The following NALF1 variants were observed in gnomAD, a reference collection of about 807,000 sequenced individuals.
NALF1 encodes the protein NALCN channel auxiliary factor 1, also known as family with sequence similarity 155 member A.
Under a neutral mutation model 48.4 loss-of-function variants are expected in NALF1, and 3 were observed. That is an observed-to-expected ratio of 0.06 (90% CI 0.03 to 0.16). The LOEUF is 0.16. Ranked by LOEUF, NALF1 falls within the 10% of genes least tolerant of loss-of-function variation. NALF1 has a pLI of 1.00. For missense variants in NALF1, 526 were observed against 571.5 expected (o/e 0.92, Z 0.81); for synonymous variants, 262 against 245.7 (o/e 1.07, Z -0.62).
At chr13:107,633,229 T>G (rs190144885) in intron 1 of NALF1, among the ~76,000 whole-genome samples, 44 of 152,232 alleles carry the variant, frequency 2.9e-4, no homozygotes, top group South Asian at 4.1e-4. Context: ...AAGCTCTTCA[T>G]GTATATGAAA....
At chr13:107,534,228 A>T (rs1413499320) in intron 1 of NALF1, among the ~76,000 whole-genome samples, 4 of 152,090 alleles carry the variant, frequency 2.6e-5, no homozygotes, top group African/African-American at 4.8e-5. Flanking sequence ...TGACTCTGGA[A>T]AGTATGATCT....
intron 1 of NALF1, among the ~76,000 whole-genome samples, chr13:107,807,801 G>GT (rs1878848340): frequency 6.6e-6 from 1 of 152,128 alleles, no homozygotes; most frequent in Non-Finnish European, 1.5e-5. Flanking sequence ...AAACGCAAAT[G>GT]TTTTTGCAGT....
chr13:107,654,000 A>C (rs947362), intron 1 of NALF1, among the ~76,000 whole-genome samples: 44,510 of 151,888 alleles, frequency 0.29, 6,883 homozygotes, highest in African/African-American at 0.36. Context: ...TAATAAATCA[A>C]AACCCAAATC....
chr13:107,746,017 G>A (rs1876771019), intron 1 of NALF1, among the ~76,000 whole-genome samples: 1 of 152,100 alleles, frequency 6.6e-6, no homozygotes, highest in African/African-American at 2.4e-5. Flanking sequence ...ACTAACTATG[G>A]AGACTTCCTC....
At chr13:107,279,703 T>A (rs1005646829) in intron 1 of NALF1, among the ~76,000 whole-genome samples, 1 of 152,212 alleles carries the variant, frequency 6.6e-6, no homozygotes, top group Non-Finnish European at 1.5e-5. Context: ...TGCTTCCTAG[T>A]CTTAAACACA....
chr13:107,833,516 T>C (rs1300448242), intron 1 of NALF1, among the ~76,000 whole-genome samples: 1 of 152,218 alleles, frequency 6.6e-6, no homozygotes, highest in Non-Finnish European at 1.5e-5. Context: ...CTCCCTATCA[T>C]GAAGTACCAA....
At chr13:107,791,595 G>C (rs938100575) in intron 1 of NALF1, among the ~76,000 whole-genome samples, 1 of 152,122 alleles carries the variant, frequency 6.6e-6, no homozygotes, top group African/African-American at 2.4e-5. Context: ...TTTGCAGTAA[G>C]TCATAAAAAG....
chr13:107,396,809 T>C (rs1005933080), intron 1 of NALF1, among the ~76,000 whole-genome samples: 2 of 152,190 alleles, frequency 1.3e-5, no homozygotes, highest in Non-Finnish European at 2.9e-5. Flanking sequence ...AACTCTCACA[T>C]CAGGAGCTCT....
rs1453072401 is a variant in NALF1 at position 107,450,486 on chromosome 13, A to G, written c.916-239731T>C. Among the ~76,000 whole-genome samples, 12 of 152,098 alleles carry G rather than the reference A, an allele frequency of 7.9e-5. 1 individual carries two copies. The highest frequency in any genetic ancestry group is 7.2e-4 in the Admixed American group (11 of 15,264). Reference sequence around the variant, plus strand: ...TGTTTTTGCAGTGGGGTTCAAGAAAACCAACTGCAGGAGGATGAAGCGCAG... The same window carrying G: ...TGTTTTTGCAGTGGGGTTCAAGAAAGCCAACTGCAGGAGGATGAAGCGCAG... On this transcript the variant is annotated intron_variant, in intron 1 of 2. Transcript: ENST00000375915.
intron 1 of NALF1, among the ~76,000 whole-genome samples, chr13:107,455,560 G>A (rs144908186): frequency 1.3e-5 from 2 of 152,130 alleles, no homozygotes; most frequent in Non-Finnish European, 2.9e-5. Context: ...AGAGTTCATA[G>A]TTTACATTAT....
intron 1 of NALF1, among the ~76,000 whole-genome samples, chr13:107,668,586 G>T (rs1880916283): frequency 6.6e-6 from 1 of 151,998 alleles, no homozygotes; most frequent in Non-Finnish European, 1.5e-5. Flanking sequence ...TATTCATGAT[G>T]AATAATTATA....
At chr13:107,859,455 C>T (rs1880512659) in intron 1 of NALF1, among the ~76,000 whole-genome samples, 1 of 152,138 alleles carries the variant, frequency 6.6e-6, no homozygotes, top group South Asian at 2.1e-4. Flanking sequence ...GGAAAATCAA[C>T]TACCATATTT....
chr13:107,200,053 C>T (rs1027612031), intron 2 of NALF1, among the ~76,000 whole-genome samples: 3 of 152,158 alleles, frequency 2.0e-5, no homozygotes, highest in African/African-American at 7.2e-5. Flanking sequence ...TTTTGGTGTC[C>T]TGTGGACACA....
At position 107,631,428 on chromosome 13, in the gene NALF1, T is replaced by A. The variant is rs118078381; in HGVS notation, c.915+234254A>T. Reference sequence around the variant, plus strand: ...CATATATTTTAAATGGGGAAAATTATCTTTTATGACAGCAGCTAAATGATC... The same window carrying A: ...CATATATTTTAAATGGGGAAAATTAACTTTTATGACAGCAGCTAAATGATC... On this transcript the variant is annotated intron_variant, in intron 1 of 2. Coordinates refer to ENST00000375915, the MANE Select transcript of NALF1 (RefSeq NM_001080396.3). Among the ~76,000 whole-genome samples the A allele has an allele frequency of 7.2e-3, 1,101 of 152,314 alleles. 7 individuals are homozygous for A. The highest frequency in any genetic ancestry group is 0.012 in the Non-Finnish European group (848 of 68,040).
intron 2 of NALF1, among the ~76,000 whole-genome samples, chr13:107,177,331 T>C (rs1878960033): frequency 6.6e-6 from 1 of 152,038 alleles, no homozygotes; most frequent in Middle Eastern, 3.2e-3. Flanking sequence ...ATAAAAAAAT[T>C]AGGTTGGTGC....
At position 107,286,459 on chromosome 13, in the gene NALF1, C is replaced by T. The variant is rs560409395; in HGVS notation, c.916-75704G>A. Among the ~76,000 whole-genome samples, 5 of 151,568 alleles carry T rather than the reference C, an allele frequency of 3.3e-5. No homozygotes were observed. In the South Asian group the frequency reaches 1.0e-3, roughly 32 times the overall value. ...ATCAATCTGGGCAACATAATGAAAC[C>T]CCATCTCTATTAAAAAAAATACAAA... On this transcript the variant is annotated intron_variant, in intron 1 of 2. Coordinates refer to ENST00000375915, the MANE Select transcript of NALF1 (RefSeq NM_001080396.3).
At chr13:107,306,350 T>C (rs1416806000) in intron 1 of NALF1, among the ~76,000 whole-genome samples, 6 of 152,162 alleles carry the variant, frequency 3.9e-5, no homozygotes, top group Non-Finnish European at 8.8e-5. Flanking sequence ...GAGGATTGTA[T>C]AGCAACAGTC....
At chr13:107,319,236 A>G (rs1261405420) in intron 1 of NALF1, among the ~76,000 whole-genome samples, 1 of 152,132 alleles carries the variant, frequency 6.6e-6, no homozygotes, top group Non-Finnish European at 1.5e-5. Context: ...TGATAAAATG[A>G]TGAGTCACAA....
intron 1 of NALF1, among the ~76,000 whole-genome samples, chr13:107,271,321 C>G (rs1881160004): frequency 6.6e-6 from 1 of 152,116 alleles, no homozygotes; most frequent in Non-Finnish European, 1.5e-5. Context: ...AAGAGTTGAA[C>G]CCTGCAGGGG....
Sources: gnomAD v4.1 joint callset for allele counts (sites outside exome capture counted in the v4.1 genomes callset) on GRCh38, gnomAD v4.1.1 for gene constraint, MANE v1.5 for transcripts, NCBI Gene and HGNC (gene_info 2026-07-23, HGNC 2026-07-21) for gene names.